The following NTM variants were observed in gnomAD, a reference collection of about 807,000 sequenced individuals.
NTM encodes neurotrimin, also known as IgLON family member 2.
A neutral mutation model predicts 42.1 loss-of-function variants in NTM; 13 were observed. The observed-to-expected ratio is 0.31, with a 90% CI of 0.20 to 0.49. The LOEUF is 0.49. Among genes scored for constraint, NTM ranks in the 20% least tolerant of loss-of-function variants. The probability of loss-of-function intolerance (pLI) is 0.99; values close to 1 mark genes in which losing one functional copy is unlikely to be tolerated. For missense variants in NTM, 373 were observed against 452.8 expected (o/e 0.82, Z 1.60); for synonymous variants, 187 against 179.2 (o/e 1.04, Z -0.35).
At chr11:132,135,130 A>T (rs1462714464) in intron 2 of NTM, among the ~76,000 whole-genome samples, 1 of 152,072 alleles carries the variant, frequency 6.6e-6, no homozygotes, top group Non-Finnish European at 1.5e-5. Context: ...TCAGTGTCCC[A>T]GGAGACAGAA....
intron 1 of NTM, among the ~76,000 whole-genome samples, chr11:131,866,479 G>T (rs2047232894): frequency 6.6e-6 from 1 of 152,252 alleles, no homozygotes; most frequent in South Asian, 2.1e-4. Context: ...GTAGGGCCAG[G>T]TTGGCCATGC....
At chr11:132,128,534 C>T (rs574363149) in intron 2 of NTM, among the ~76,000 whole-genome samples, 6 of 152,110 alleles carry the variant, frequency 3.9e-5, no homozygotes, top group African/African-American at 1.4e-4. Flanking sequence ...AAACAGGAGC[C>T]TCAAAGAATC....
chr11:132,099,798 C>T (rs1418903125), intron 2 of NTM, among the ~76,000 whole-genome samples: 1 of 152,164 alleles, frequency 6.6e-6, no homozygotes, highest in African/African-American at 2.4e-5. Context: ...CAGGTGCTTT[C>T]TCACATAAAA....
At chr11:132,104,313 C>T (rs1269859269) in intron 2 of NTM, among the ~76,000 whole-genome samples, 1 of 151,938 alleles carries the variant, frequency 6.6e-6, no homozygotes, top group Non-Finnish European at 1.5e-5. Flanking sequence ...AGGATAATTT[C>T]CCTCCTTCCT....
At chr11:131,904,202 G>A (rs1361446095) in intron 1 of NTM, among the ~76,000 whole-genome samples, 1 of 152,160 alleles carries the variant, frequency 6.6e-6, no homozygotes, top group Non-Finnish European at 1.5e-5. Context: ...TAAAGAAAAT[G>A]AGGGGAAAAG....
intron 1 of NTM, among the ~76,000 whole-genome samples, chr11:131,525,189 G>A (rs1235396706): frequency 6.6e-6 from 1 of 152,172 alleles, no homozygotes; most frequent in African/African-American, 2.4e-5. Context: ...ATCCCCAAAA[G>A]GGCTGAGAGC....
chr11:131,641,125 C>T (rs367809813), intron 1 of NTM, among the ~76,000 whole-genome samples: 6 of 152,182 alleles, frequency 3.9e-5, no homozygotes, highest in African/African-American at 1.4e-4. Flanking sequence ...TTCCTAATCC[C>T]TCTGGTCAGA....
At chr11:131,930,401 C>T (rs7120996) in intron 2 of NTM, among the ~76,000 whole-genome samples, 7,434 of 152,196 alleles carry the variant, frequency 0.049, 599 homozygotes, top group African/African-American at 0.17. Flanking sequence ...TCATGCCCTG[C>T]ACTCGGCAAA....
chr11:132,098,037 T>C (rs2061228634), intron 2 of NTM, among the ~76,000 whole-genome samples: 1 of 152,254 alleles, frequency 6.6e-6, no homozygotes, highest in Non-Finnish European at 1.5e-5. Flanking sequence ...GGTATTGTTA[T>C]GAATATCCAT....
chr11:132,123,273 A>G (rs967907602), intron 2 of NTM, among the ~76,000 whole-genome samples: 1 of 152,200 alleles, frequency 6.6e-6, no homozygotes, highest in African/African-American at 2.4e-5. Flanking sequence ...GGGACTGGAA[A>G]GGCACAGGGG....
intron 1 of NTM, among the ~76,000 whole-genome samples, chr11:131,624,022 G>T (rs1449179575): frequency 1.3e-5 from 2 of 152,186 alleles, no homozygotes; most frequent in Admixed American, 1.3e-4. Context: ...GTGAAAGACA[G>T]TGATGGAGCC....
intron 1 of NTM, among the ~76,000 whole-genome samples, chr11:131,860,510 T>C (rs1481041269): frequency 1.3e-5 from 2 of 152,200 alleles, no homozygotes; most frequent in Admixed American, 6.5e-5. Context: ...TGGACGCTGG[T>C]CATATCGTCA....
At chr11:131,555,749 G>T (rs1438475510) in intron 1 of NTM, among the ~76,000 whole-genome samples, 2 of 152,090 alleles carry the variant, frequency 1.3e-5, no homozygotes, top group Admixed American at 1.3e-4. Context: ...CCCTTTCTTT[G>T]CCAGCATTGT....
intron 2 of NTM, among the ~76,000 whole-genome samples, chr11:131,915,855 G>A (rs1329798592): frequency 6.6e-5 from 10 of 152,162 alleles, no homozygotes; most frequent in African/African-American, 9.7e-5. Context: ...AAACTGCCCC[G>A]ATGATTCAAT....
rs556212922 is a variant in NTM at position 131,698,803 on chromosome 11, A to G, written c.83-212761A>G. 4.6e-4 allele frequency among the ~76,000 whole-genome samples: 70 copies of G among 152,330 alleles called. 1 individual carries two copies. The highest frequency in any genetic ancestry group is 3.4e-3 in the Middle Eastern group (1 of 294). On this transcript the variant is annotated intron_variant, in intron 1 of 8. Transcript: ENST00000683400. ...AAATTCTACTGATTTCTTACATTGT[A>G]GCCCAGATATGATTTGCTGAGGGAT...
chr11:131,651,073 C>A (rs928141772), intron 1 of NTM, among the ~76,000 whole-genome samples: 4 of 152,184 alleles, frequency 2.6e-5, no homozygotes, highest in Admixed American at 2.0e-4. Flanking sequence ...GAGTGAACAA[C>A]AAACCTTAGA....
chr11:131,683,332 G>A (rs2073294452), intron 1 of NTM, among the ~76,000 whole-genome samples: 1 of 152,234 alleles, frequency 6.6e-6, no homozygotes, highest in African/African-American at 2.4e-5. Context: ...CTTCGGCAGG[G>A]CTGTCTGCAG....
At chr11:131,612,697 G>A (rs1388101395) in intron 1 of NTM, among the ~76,000 whole-genome samples, 2 of 152,216 alleles carry the variant, frequency 1.3e-5, no homozygotes, top group Admixed American at 1.3e-4. Flanking sequence ...ACTGACGACA[G>A]CGTGCTAGTG....
chr11:131,839,005 G>T (rs2043881671), intron 1 of NTM, among the ~76,000 whole-genome samples: 1 of 151,008 alleles, frequency 6.6e-6, no homozygotes. Context: ...CTGTCACCCG[G>T]GCTGGAGTGC....
Sources: gnomAD v4.1 joint callset for allele counts (sites outside exome capture counted in the v4.1 genomes callset) on GRCh38, gnomAD v4.1.1 for gene constraint, MANE v1.5 for transcripts, NCBI Gene and HGNC (gene_info 2026-07-23, HGNC 2026-07-21) for gene names.